The following THSD4 variants were observed in gnomAD, a reference collection of about 807,000 sequenced individuals.
The protein encoded by THSD4 is thrombospondin type-1 domain-containing protein 4.
In THSD4, 69 loss-of-function variants were observed where a neutral mutation model predicts 119.0. The observed-to-expected ratio is 0.58, with a 90% CI of 0.48 to 0.71. The LOEUF (loss-of-function observed/expected upper bound fraction) is 0.71. Among genes scored for constraint, THSD4 ranks in the 30% least tolerant of loss-of-function variants. The probability of loss-of-function intolerance (pLI) is 0.00; values close to 1 mark genes in which losing one functional copy is unlikely to be tolerated. For missense variants in THSD4, 1,393 were observed against 1,391.1 expected (o/e 1.00, Z -0.02); for synonymous variants, 524 against 540.4 (o/e 0.97, Z 0.42).
chr15:71,744,279 A>G (rs763553337), intron 11 of THSD4, among the ~76,000 whole-genome samples: 4 of 152,016 alleles, frequency 2.6e-5, no homozygotes, highest in African/African-American at 4.8e-5. Context: ...ACAGTTATAA[A>G]CATTCATTCA....
intron 3 of THSD4, 69 bp from the exon 4 acceptor site, chr15:71,214,966 C>T: frequency 1.6e-6 from 2 of 1,220,360 alleles, no homozygotes; most frequent in Non-Finnish European, 1.0e-6. Flanking sequence ...TAAGTCGACC[C>T]TGCTCAAAGC....
At chr15:71,300,310 G>T (rs975047606) in intron 6 of THSD4, among the ~76,000 whole-genome samples, 26 of 152,106 alleles carry the variant, frequency 1.7e-4, no homozygotes, top group Non-Finnish European at 2.4e-4. Flanking sequence ...ATACCTCTGT[G>T]GTTGTCATGA....
chr15:71,293,237 A>C (rs113232537), intron 6 of THSD4, among the ~76,000 whole-genome samples: 3,921 of 152,230 alleles, frequency 0.026, 74 homozygotes, highest in African/African-American at 0.058. Context: ...ATTTTGAGCT[A>C]TCTTTTTTTG....
At chr15:71,303,920 C>A (rs2044987179) in intron 6 of THSD4, among the ~76,000 whole-genome samples, 1 of 152,180 alleles carries the variant, frequency 6.6e-6, no homozygotes. Flanking sequence ...GACCCCTTTG[C>A]CTAGCCCAAA....
chr15:71,203,500 CA>C (rs34386939), intron 3 of THSD4, among the ~76,000 whole-genome samples: 20 of 151,020 alleles, frequency 1.3e-4, no homozygotes, highest in African/African-American at 4.6e-4. Context: ...ACCAAAAATA[CA>C]AAAAAAAATT....
chr15:71,631,276 G>C (rs1438560534), intron 7 of THSD4, among the ~76,000 whole-genome samples: 1 of 152,156 alleles, frequency 6.6e-6, no homozygotes, highest in East Asian at 1.9e-4. Context: ...CCTTCAAAGT[G>C]ATTCTAGGAT....
At chr15:71,434,462 T>TAAA (rs1555413342) in intron 7 of THSD4, among the ~76,000 whole-genome samples, 4,365 of 124,878 alleles carry the variant, frequency 0.035, 229 homozygotes, top group South Asian at 0.16. Flanking sequence ...TTTTTTTTTT[T>TAAA]AATTTCTGAA....
At chr15:71,229,475 C>T (rs1408446118) in intron 4 of THSD4, among the ~76,000 whole-genome samples, 1 of 152,120 alleles carries the variant, frequency 6.6e-6, no homozygotes, top group Non-Finnish European at 1.5e-5. Flanking sequence ...TCTTCCTATA[C>T]TTTAAATCAT....
intron 11 of THSD4, among the ~76,000 whole-genome samples, chr15:71,744,354 G>A (rs116235521): frequency 0.01 from 1,556 of 152,028 alleles, 28 homozygotes; most frequent in African/African-American, 0.035. Flanking sequence ...CTAGGTACTG[G>A]GGCTACAGAG....
Position 71,442,874 on chromosome 15 carries a change from G to T in THSD4, c.1152+31051G>T, listed in dbSNP as rs192646909. ...GGTAGAGCAATCTCTGATTCTGGCA[G>T]GCATCGTTGCTCCTTTTACTGTGTT... On this transcript the variant is annotated intron_variant, in intron 7 of 17. Coordinates refer to ENST00000261862, the MANE Select transcript of THSD4 (RefSeq NM_024817.3). 3.0e-3 allele frequency among the ~76,000 whole-genome samples: 455 copies of T among 150,940 alleles called. 3 individuals are homozygous for T. The highest frequency in any genetic ancestry group is 0.01 in the African/African-American group (419 of 41,082).
chr15:71,254,215 C>G (rs967264072), intron 5 of THSD4, among the ~76,000 whole-genome samples: 1 of 152,190 alleles, frequency 6.6e-6, no homozygotes, highest in Non-Finnish European at 1.5e-5. Context: ...ACCTGCGGCC[C>G]GGCAGCCGAT....
intron 16 of THSD4, 130 bp downstream of exon 16, chr15:71,765,329 G>A: frequency 8.9e-7 from 1 of 1,125,868 alleles, no homozygotes; most frequent in South Asian, 2.0e-5. Flanking sequence ...TACCTTAGGT[G>A]GTAGCTGCTG....
At chr15:71,465,327 C>T (rs752980330) in intron 7 of THSD4, among the ~76,000 whole-genome samples, 14 of 152,208 alleles carry the variant, frequency 9.2e-5, no homozygotes, top group Non-Finnish European at 1.8e-4. Context: ...CAGGCTCCTA[C>T]TGCATCTTGG....
At chr15:71,635,774 A>G (rs12917055) in intron 7 of THSD4, among the ~76,000 whole-genome samples, 57,764 of 152,144 alleles carry the variant, frequency 0.38, 12,120 homozygotes, top group Non-Finnish European at 0.47. Context: ...CATGATATTA[A>G]TGGAATTAAC....
chr15:71,613,443 C>T (rs1001566702), intron 7 of THSD4, among the ~76,000 whole-genome samples: 4 of 152,124 alleles, frequency 2.6e-5, no homozygotes, highest in Non-Finnish European at 5.9e-5. Context: ...AGAATTAAGA[C>T]ATAAATAGGA....
intron 4 of THSD4, among the ~76,000 whole-genome samples, chr15:71,237,082 G>A (rs907530526): frequency 1.3e-5 from 2 of 152,160 alleles, no homozygotes; most frequent in South Asian, 2.1e-4. Context: ...TCCATGCAGG[G>A]CCAGGGCTGA....
rs554811086 is a variant in THSD4, at chr15:71,777,687, A to G, written c.*313A>G. On this transcript the variant is annotated 3_prime_UTR_variant, in exon 18 of 18. Transcript: ENST00000261862. Reference sequence around the variant, plus strand: ...ACATGGAGCTCTCAGCCCTGCTCCCATCTGGCACCTTCAAGTCAGCAGATG... The same window carrying G: ...ACATGGAGCTCTCAGCCCTGCTCCCGTCTGGCACCTTCAAGTCAGCAGATG... The G allele has an allele frequency of 9.4e-5, 32 of 340,532 alleles. No homozygotes were observed. The highest frequency in any genetic ancestry group is 9.2e-4 in the Middle Eastern group (1 of 1,092). 21.1% of individuals were successfully genotyped at this position (340,532 alleles called of 1,614,324 possible).
intron 16 of THSD4, 123 bp downstream of exon 16, chr15:71,765,322 CT>C: frequency 8.3e-7 from 1 of 1,201,530 alleles, no homozygotes. Context: ...AGCAATCTAC[CT>C]TAGGTGGTAG....
At position 71,239,723 on chromosome 15, in the gene THSD4, G is replaced by T. The variant is rs189483831; in HGVS notation, c.465-2926G>T. 1.6e-4 allele frequency among the ~76,000 whole-genome samples: 25 copies of T among 152,246 alleles called. No individual in the cohort carries two copies. The East Asian group carries it at 4.4e-3, about 27-fold the overall frequency. On this transcript the variant is annotated intron_variant, in intron 4 of 17. Transcript: ENST00000261862. ...AAGGAGTTTACTGGCCACACAGATC[G>T]CCTCGCCACATCTGTACTTATCATA...
Sources: gnomAD v4.1 joint callset for allele counts (sites outside exome capture counted in the v4.1 genomes callset) on GRCh38, gnomAD v4.1.1 for gene constraint, MANE v1.5 for transcripts, NCBI Gene and HGNC (gene_info 2026-07-23, HGNC 2026-07-21) for gene names.